Variants in RALYL observed in about 807,000 individuals in gnomAD.
RALYL encodes RALY RNA binding protein like, also known as RNA-binding Raly-like protein.
Under a neutral mutation model 35.1 loss-of-function variants are expected in RALYL, and 29 were observed. The observed-to-expected ratio is 0.83, with a 90% CI of 0.61 to 1.13. The LOEUF (loss-of-function observed/expected upper bound fraction) is 1.13. Among genes scored for constraint, RALYL ranks in the 50% most tolerant of loss-of-function variants. The probability of loss-of-function intolerance (pLI) is 0.00; values close to 1 mark genes in which losing one functional copy is unlikely to be tolerated. For missense variants in RALYL, 359 were observed against 360.4 expected (o/e 1.00, Z 0.03); for synonymous variants, 120 against 127.6 (o/e 0.94, Z 0.40).
chr8:84,570,687 C>G (rs1320293707), intron 2 of RALYL, among the ~76,000 whole-genome samples: 1 of 151,838 alleles, frequency 6.6e-6, no homozygotes, highest in Non-Finnish European at 1.5e-5. Context: ...ATGCTTTCAA[C>G]TTTTCTCCAT....
intron 5 of RALYL, among the ~76,000 whole-genome samples, chr8:84,860,437 T>C (rs1007936367): frequency 2.6e-5 from 4 of 152,218 alleles, no homozygotes; most frequent in Non-Finnish European, 5.9e-5. Context: ...GTGTTATAGC[T>C]CATGCAAAGT....
At chr8:84,711,087 T>G (rs998913260) in intron 2 of RALYL, among the ~76,000 whole-genome samples, 1 of 152,062 alleles carries the variant, frequency 6.6e-6, no homozygotes, top group African/African-American at 2.4e-5. Context: ...TCAGTTTCTC[T>G]CTGGATAGTT....
intron 2 of RALYL, among the ~76,000 whole-genome samples, chr8:84,545,683 ATAGAG>A (rs765235951): frequency 7.2e-5 from 11 of 152,162 alleles, no homozygotes; most frequent in African/African-American, 9.6e-5. Context: ...GTTAGCATAA[ATAGAG>A]TATTTTCTCA....
intron 1 of RALYL, among the ~76,000 whole-genome samples, chr8:84,497,366 T>C (rs1044985973): frequency 1.6e-4 from 25 of 152,146 alleles, no homozygotes; most frequent in African/African-American, 3.1e-4. Context: ...CTAGTAACTA[T>C]GAGTAACTAT....
intron 1 of RALYL, among the ~76,000 whole-genome samples, chr8:84,259,989 C>T (rs1831947831): frequency 6.6e-6 from 1 of 152,102 alleles, no homozygotes; most frequent in African/African-American, 2.4e-5. Flanking sequence ...ACAGAAGAGT[C>T]ATTCTGGCTT....
intron 1 of RALYL, among the ~76,000 whole-genome samples, chr8:84,189,970 G>A (rs924767036): frequency 2.0e-5 from 3 of 152,164 alleles, no homozygotes; most frequent in Non-Finnish European, 4.4e-5. Flanking sequence ...CCAATGCATG[G>A]CATCACATTT....
At chr8:84,839,359 C>T (rs1832708292) in intron 4 of RALYL, among the ~76,000 whole-genome samples, 1 of 152,206 alleles carries the variant, frequency 6.6e-6, no homozygotes. Flanking sequence ...GCTCATGGAG[C>T]CTCGCTCATT....
chr8:84,517,498 CA>C (rs1464980150), intron 1 of RALYL, among the ~76,000 whole-genome samples: 1 of 152,122 alleles, frequency 6.6e-6, no homozygotes, highest in Non-Finnish European at 1.5e-5. Context: ...ATGCTTACTT[CA>C]ACATTAAAAT....
At chr8:84,847,538 A>C (rs749962963) in intron 4 of RALYL, among the ~76,000 whole-genome samples, 1 of 151,870 alleles carries the variant, frequency 6.6e-6, no homozygotes, top group Non-Finnish European at 1.5e-5. Flanking sequence ...TCTTGTTCTG[A>C]TCTCCTGAGG....
chr8:84,728,023 G>GTTC (rs1845340743), intron 2 of RALYL, among the ~76,000 whole-genome samples: 1 of 151,660 alleles, frequency 6.6e-6, no homozygotes, highest in South Asian at 2.1e-4. Context: ...GGTATTTCTA[G>GTTC]TTCTAGATCC....
chr8:84,485,567 C>T (rs72679345), intron 1 of RALYL, among the ~76,000 whole-genome samples: 3,527 of 152,146 alleles, frequency 0.023, 68 homozygotes, highest in Non-Finnish European at 0.035. Flanking sequence ...GACATCAGAA[C>T]GAGACTGCCT....
chr8:84,673,091 C>A (rs1564349629), intron 2 of RALYL, among the ~76,000 whole-genome samples: 1 of 152,124 alleles, frequency 6.6e-6, no homozygotes, highest in South Asian at 2.1e-4. Flanking sequence ...GATGGTATCT[C>A]ATTGTGATTT....
At chr8:84,533,268 G>A (rs911450236) in intron 2 of RALYL, among the ~76,000 whole-genome samples, 2 of 152,074 alleles carry the variant, frequency 1.3e-5, no homozygotes, top group Non-Finnish European at 2.9e-5. Context: ...CAATCTAAGT[G>A]TAGTCATTAG....
chr8:84,468,883 T>C (rs1207768658), intron 1 of RALYL, among the ~76,000 whole-genome samples: 13 of 152,128 alleles, frequency 8.5e-5, no homozygotes, highest in Non-Finnish European at 1.3e-4. Flanking sequence ...TCTCGCTTCA[T>C]TTCATTCATT....
At chr8:84,508,851 A>G (rs376330235) in intron 1 of RALYL, among the ~76,000 whole-genome samples, 1 of 151,338 alleles carries the variant, frequency 6.6e-6, no homozygotes, top group Non-Finnish European at 1.5e-5. Context: ...ATTATAATAA[A>G]AACAATCTTT....
chr8:84,864,736 G>T (rs1220010369), intron 6 of RALYL: 2 of 575,722 alleles, frequency 3.5e-6, no homozygotes, highest in East Asian at 4.1e-5. Flanking sequence ...CAGGGAGCTT[G>T]GCAGGCCTGG....
chr8:84,777,681 G>T (rs532128589), intron 3 of RALYL, among the ~76,000 whole-genome samples: 1 of 152,020 alleles, frequency 6.6e-6, no homozygotes, highest in Non-Finnish European at 1.5e-5. Flanking sequence ...TCAATCGGTC[G>T]CTCAGGCTGG....
chr8:84,657,179 C>T (rs941423121), intron 2 of RALYL, among the ~76,000 whole-genome samples: 3 of 152,138 alleles, frequency 2.0e-5, no homozygotes, highest in African/African-American at 7.2e-5. Context: ...GTGGCAATTT[C>T]CTTTTCAAAT....
chr8:84,558,868 A>T (rs1169466300), intron 2 of RALYL, among the ~76,000 whole-genome samples: 1 of 152,104 alleles, frequency 6.6e-6, no homozygotes, highest in African/African-American at 2.4e-5. Flanking sequence ...GAAACACATC[A>T]TTCTCTTTCT....
Sources: gnomAD v4.1 joint callset for allele counts (sites outside exome capture counted in the v4.1 genomes callset) on GRCh38, gnomAD v4.1.1 for gene constraint, MANE v1.5 for transcripts, NCBI Gene and HGNC (gene_info 2026-07-23, HGNC 2026-07-21) for gene names.